AGBL4: variants seen among roughly 807,000 people sequenced by gnomAD.
The protein encoded by AGBL4 is cytosolic carboxypeptidase 6.
A neutral mutation model predicts 66.4 loss-of-function variants in AGBL4; 58 were observed. The observed-to-expected ratio is 0.87, with a 90% CI of 0.71 to 1.09. AGBL4 has a LOEUF of 1.09. Among genes scored for constraint, AGBL4 ranks in the 50% least tolerant of loss-of-function variants. AGBL4 has a pLI of 0.00. For missense variants in AGBL4, 579 were observed against 631.0 expected (o/e 0.92, Z 0.88); for synonymous variants, 234 against 222.9 (o/e 1.05, Z -0.44).
At chr1:48,595,734 G>C (rs747418368) in intron 9 of AGBL4, among the ~76,000 whole-genome samples, 1 of 152,230 alleles carries the variant, frequency 6.6e-6, no homozygotes, top group Non-Finnish European at 1.5e-5. Context: ...CTTCCACCTA[G>C]ACACCAGGGA....
rs79125089 is a variant in AGBL4 at position 49,350,199 on chromosome 1, G to T, written c.283-104335C>A. 1.8e-3 allele frequency among the ~76,000 whole-genome samples: 263 copies of T among 142,834 alleles called. 1 individual carries two copies. The highest frequency in any genetic ancestry group is 2.7e-3 in the East Asian group (13 of 4,758). The allele number at this position is 142,834 out of a possible 152,430, so 93.7% of individuals were successfully genotyped here. On this transcript the variant is annotated intron_variant, in intron 3 of 13. Coordinates refer to ENST00000371839, the MANE Select transcript of AGBL4 (RefSeq NM_032785.4). The stretch of plus-strand genomic sequence containing the variant: ...TCAATGAATATTTGTTTTTTTTTTT[G>T]TTTTGTTTTGTTTTTTTTTTTTGAG...
At chr1:49,721,261 C>A (rs991930695) in intron 2 of AGBL4, among the ~76,000 whole-genome samples, 2 of 152,126 alleles carry the variant, frequency 1.3e-5, no homozygotes, top group African/African-American at 4.8e-5. Context: ...CCAACAGTGG[C>A]AATCCGCTCG....
intron 3 of AGBL4, among the ~76,000 whole-genome samples, chr1:49,696,776 A>G (rs1055065631): frequency 3.9e-5 from 6 of 152,132 alleles, no homozygotes; most frequent in Non-Finnish European, 8.8e-5. Context: ...ACAAGCAAAA[A>G]TATTTTCCAG....
intron 2 of AGBL4, among the ~76,000 whole-genome samples, chr1:49,726,035 TG>T (rs1649007195): frequency 6.6e-6 from 1 of 151,980 alleles, no homozygotes; most frequent in South Asian, 2.1e-4. Context: ...TGAGGGCTGG[TG>T]GGGGTTGAGG....
chr1:49,921,092 G>C lies in AGBL4; in HGVS notation c.35-69574C>G, dbSNP rs148049013. ...ACATCACACACCAGGGCCTGTCGTG[G>C]GGTGGGAGTATGGGGGAGGGACAGC... On this transcript the variant is annotated intron_variant, in intron 1 of 13. Coordinates refer to ENST00000371839, the MANE Select transcript of AGBL4 (RefSeq NM_032785.4). Among the ~76,000 whole-genome samples the C allele has an allele frequency of 2.9e-3, 445 of 152,262 alleles. 3 individuals are homozygous for C. Among genetic ancestry groups the C allele is most frequent in the African/African-American group, 0.01 (420 of 41,550 alleles).
intron 4 of AGBL4, among the ~76,000 whole-genome samples, chr1:49,118,578 T>C (rs555448675): frequency 7.6e-4 from 116 of 152,330 alleles, no homozygotes; most frequent in African/African-American, 2.6e-3. Flanking sequence ...AGCTTTTTGA[T>C]GTGCTGCTGG....
chr1:49,198,132 C>G (rs1647380510), intron 4 of AGBL4, among the ~76,000 whole-genome samples: 1 of 151,946 alleles, frequency 6.6e-6, no homozygotes, highest in South Asian at 2.1e-4. Context: ...TGCTTAGTTG[C>G]CCAGTGGAAA....
intron 4 of AGBL4, among the ~76,000 whole-genome samples, chr1:49,142,349 C>A (rs903628774): frequency 6.6e-6 from 1 of 152,082 alleles, no homozygotes; most frequent in African/African-American, 2.4e-5. Context: ...CAAAAAAAAA[C>A]TCAACATATA....
At chr1:49,043,864 T>A (rs1020745576) in intron 5 of AGBL4, among the ~76,000 whole-genome samples, 1 of 152,196 alleles carries the variant, frequency 6.6e-6, no homozygotes, top group Non-Finnish European at 1.5e-5. Flanking sequence ...GCTCTCTTTT[T>A]TGAGGTATCC....
At chr1:49,273,105 C>T (rs1323308442) in intron 3 of AGBL4, among the ~76,000 whole-genome samples, 1 of 152,094 alleles carries the variant, frequency 6.6e-6, no homozygotes, top group Non-Finnish European at 1.5e-5. Context: ...GTGGCTATGG[C>T]AAGGCTGGGG....
intron 6 of AGBL4, among the ~76,000 whole-genome samples, chr1:48,856,927 A>C (rs533075333): frequency 2.0e-5 from 3 of 152,298 alleles, no homozygotes; most frequent in Non-Finnish European, 4.4e-5. Flanking sequence ...TGTCTGGGGA[A>C]GAGGACTGAA....
intron 2 of AGBL4, among the ~76,000 whole-genome samples, chr1:49,830,372 T>C (rs1272287578): frequency 6.6e-6 from 1 of 152,232 alleles, no homozygotes; most frequent in Non-Finnish European, 1.5e-5. Context: ...CCAGTGACGA[T>C]GAGCTTTTTT....
intron 2 of AGBL4, among the ~76,000 whole-genome samples, chr1:49,717,089 C>A (rs945596190): frequency 6.6e-6 from 1 of 152,252 alleles, no homozygotes. Flanking sequence ...TCTCATGATA[C>A]AAAATCAACG....
intron 4 of AGBL4, among the ~76,000 whole-genome samples, chr1:49,194,926 C>A (rs184434991): frequency 7.4e-4 from 112 of 151,730 alleles, no homozygotes; most frequent in African/African-American, 2.6e-3. Context: ...TAGCCTTTAA[C>A]TCCAGGGCTC....
At chr1:49,650,826 G>A (rs1181069445) in intron 3 of AGBL4, among the ~76,000 whole-genome samples, 2 of 152,120 alleles carry the variant, frequency 1.3e-5, no homozygotes, top group African/African-American at 2.4e-5. Flanking sequence ...AAACAGATAC[G>A]GAGGAGTAAA....
At position 49,575,645 on chromosome 1, in the gene AGBL4, C is replaced by T. The variant is rs149434695; in HGVS notation, c.282+121668G>A. On this transcript the variant is annotated intron_variant, in intron 3 of 13. Coordinates refer to ENST00000371839, the MANE Select transcript of AGBL4 (RefSeq NM_032785.4). ...GATTATTATAAGCTTAACCAAGTGG[C>T]GACTCCAATTGCAGCTGCTGTACCA... Among the ~76,000 whole-genome samples, 1,055 of 152,256 alleles carry T rather than the reference C, an allele frequency of 6.9e-3. 17 individuals are homozygous for T. The highest frequency in any genetic ancestry group is 0.025 in the African/African-American group (1,020 of 41,550).
At chr1:48,858,198 T>C (rs192208773) in intron 6 of AGBL4, among the ~76,000 whole-genome samples, 26 of 152,326 alleles carry the variant, frequency 1.7e-4, no homozygotes, top group Non-Finnish European at 3.2e-4. Flanking sequence ...AGAGAGGATG[T>C]GGAGAAACTG....
intron 3 of AGBL4, among the ~76,000 whole-genome samples, chr1:49,489,220 A>G (rs1647135456): frequency 6.6e-6 from 1 of 151,892 alleles, no homozygotes; most frequent in Admixed American, 6.6e-5. Context: ...GATAAAAGCC[A>G]TTTTAACTGG....
chr1:49,306,780 A>T (rs241473), intron 3 of AGBL4, among the ~76,000 whole-genome samples: 105,624 of 152,104 alleles, frequency 0.69, 37,578 homozygotes, highest in African/African-American at 0.82. Context: ...GGAAACTTCA[A>T]GTCATGGGAC....
Sources: allele counts gnomAD v4.1 joint callset (sites outside exome capture counted in the v4.1 genomes callset), GRCh38; gene constraint gnomAD v4.1.1; transcripts MANE v1.5; gene names NCBI Gene and HGNC (gene_info 2026-07-23, HGNC 2026-07-21).